Variants in MARK3 observed in about 807,000 individuals in gnomAD.
MARK3 encodes microtubule affinity regulating kinase 3.
In MARK3, 46 loss-of-function variants were observed where a neutral mutation model predicts 90.1. The ratio of observed to expected loss-of-function variants is 0.51; its 90% confidence interval spans 0.40 to 0.65. MARK3 has a LOEUF of 0.65. Ranked by LOEUF, MARK3 falls within the 30% of genes least tolerant of loss-of-function variation. The pLI is 0.00. For missense variants in MARK3, 818 were observed against 947.2 expected (o/e 0.86, Z 1.79); for synonymous variants, 321 against 332.6 (o/e 0.97, Z 0.38).
chr14:103,389,161 G>A (rs998439452), intron 1 of MARK3, among the ~76,000 whole-genome samples: 2 of 151,658 alleles, frequency 1.3e-5, no homozygotes, highest in Admixed American at 6.6e-5. Context: ...TCAGGAGATC[G>A]AGACCATCCT....
At chr14:103,501,162 A>C (rs887881342) in intron 17 of MARK3, among the ~76,000 whole-genome samples, 6 of 151,826 alleles carry the variant, frequency 4.0e-5, no homozygotes, top group Non-Finnish European at 7.4e-5. Context: ...CCACTATTTC[A>C]CCTGGCCACG....
intron 3 of MARK3, among the ~76,000 whole-genome samples, chr14:103,444,130 C>CTTT (rs906565658): frequency 2.3e-5 from 2 of 85,166 alleles, no homozygotes; most frequent in Admixed American, 2.5e-4. Context: ...TTCTCTCTCT[C>CTTT]TTTTTTTTCT....
chr14:103,428,419 G>C lies in MARK3; in HGVS notation c.276G>C (p.Leu92Phe), dbSNP rs1202840558. Residue 92 changes from leucine to phenylalanine, a missense_variant, in exon 3 of 18, where the codon TTG becomes TTC. Physicochemically the swap from Leu to Phe is conservative, Grantham distance 22. Coordinates refer to ENST00000429436, the MANE Select transcript of MARK3 (RefSeq NM_001128918.3). ...TAAAAATAATTGACAAAACTCAGTT[G>C]AATCCAACAAGTCTACAAAAGGTAA... The part of the protein sequence containing the change: ...VAIKIIDKTQ[L>F]NPTSLQKLFR... 9 of 1,503,670 alleles carry C rather than the reference G, an allele frequency of 6.0e-6. No individual in the cohort carries two copies. Among genetic ancestry groups the C allele is most frequent in the Non-Finnish European group, 9.0e-7 (1 of 1,109,296 alleles). The allele number at this position is 1,503,670 out of a possible 1,614,324, so 93.1% of individuals were successfully genotyped here.
At chr14:103,469,204 T>A (rs1292117459) in intron 12 of MARK3, 1 of 151,986 alleles carries the variant, frequency 6.6e-6, no homozygotes, top group Non-Finnish European at 1.5e-5. Context: ...ATTTTTCAGA[T>A]GGAATCTGGC....
intron 13 of MARK3, among the ~76,000 whole-genome samples, chr14:103,477,341 A>G (rs1185570579): frequency 6.6e-6 from 1 of 152,098 alleles, no homozygotes; most frequent in Non-Finnish European, 1.5e-5. Context: ...AAAATACAAA[A>G]ATTAGCCGGG....
rs2093893055 is a variant in MARK3 at position 103,484,773 on chromosome 14, T to C, written c.1586+4283T>C. On this transcript the variant is annotated intron_variant, in intron 14 of 17. Coordinates refer to ENST00000429436, the MANE Select transcript of MARK3 (RefSeq NM_001128918.3). The stretch of plus-strand genomic sequence containing the variant: ...TGGTGAAACCCTGTCTAAAATTAAT[T>C]AGCTGGGCGTGGTGGCATGCGCCTG... 2.0e-5 allele frequency among the ~76,000 whole-genome samples: 3 copies of C among 147,210 alleles called. 1 individual carries two copies. In the Admixed American group the frequency reaches 2.0e-4, roughly 10 times the overall value.
chr14:103,474,331 A>G (rs1024501029), intron 12 of MARK3, among the ~76,000 whole-genome samples: 2 of 152,200 alleles, frequency 1.3e-5, no homozygotes, highest in Admixed American at 6.5e-5. Flanking sequence ...CTGTGCTGCT[A>G]TTGGAGTCTC....
At chr14:103,452,489 T>TTTTTTTTA (rs2093172785) in intron 5 of MARK3, among the ~76,000 whole-genome samples, 1 of 137,428 alleles carries the variant, frequency 7.3e-6, no homozygotes, top group Non-Finnish European at 1.6e-5. Context: ...TTTTTTTTTT[T>TTTTTTTTA]GAGACGGAGT....
chr14:103,422,156 T>C (rs1045083508), intron 2 of MARK3, among the ~76,000 whole-genome samples: 7 of 152,228 alleles, frequency 4.6e-5, no homozygotes, highest in African/African-American at 1.7e-4. Flanking sequence ...AAAAACTCTT[T>C]ACTGAAATGT....
chr14:103,437,091 CAA>C (rs35695301), intron 3 of MARK3, among the ~76,000 whole-genome samples: 10 of 104,948 alleles, frequency 9.5e-5, no homozygotes, highest in African/African-American at 3.4e-4. Context: ...GAAACTCTGC[CAA>C]AAAAAAAAAA....
rs1381428487 is a variant in MARK3 at position 103,478,035 on chromosome 14, G to A, written c.1483-2352G>A. Among the ~76,000 whole-genome samples, 7 of 148,114 alleles carry A rather than the reference G, an allele frequency of 4.7e-5. No individual in the cohort carries two copies. In the East Asian group the frequency reaches 5.9e-4, roughly 13 times the overall value. Reference sequence around the variant, plus strand: ...AAAGTGGCCGGGCGCAGTGGCTCACGCCTGTAATCCCAGCACTTTGGGAGG... The same window carrying A: ...AAAGTGGCCGGGCGCAGTGGCTCACACCTGTAATCCCAGCACTTTGGGAGG... On this transcript the variant is annotated intron_variant, in intron 13 of 17. Transcript: ENST00000429436.
chr14:103,425,365 T>G (rs1276955616), intron 2 of MARK3, among the ~76,000 whole-genome samples: 1 of 152,060 alleles, frequency 6.6e-6, no homozygotes, highest in Admixed American at 6.6e-5. Flanking sequence ...TTTCAAGTGG[T>G]TCTCCCGCCT....
chr14:103,428,405 G>T lies in MARK3; in HGVS notation c.262G>T (p.Asp88Tyr). The change falls in exon 3 of 18, where the codon GAC (aspartate) becomes TAC (tyrosine). Residue 88 changes from aspartate to tyrosine, a missense_variant. Physicochemically the swap from Asp to Tyr is radical, Grantham distance 160 (BLOSUM62 -3). Transcript: ENST00000429436. ...TTTCTAGGTTGCAATAAAAATAATT[G>T]ACAAAACTCAGTTGAATCCAACAAG... ...TGREVAIKII[D>Y]KTQLNPTSLQ... 1 of 1,488,390 alleles carries T rather than the reference G, an allele frequency of 6.7e-7. No homozygotes were observed. The highest frequency in any genetic ancestry group is 1.3e-5 in the South Asian group (1 of 78,650). 92.2% of individuals were successfully genotyped at this position (1,488,390 alleles called of 1,614,324 possible).
chr14:103,475,304 C>G, intron 13 of MARK3, 94 bp downstream of exon 13: 1 of 982,918 alleles, frequency 1.0e-6, no homozygotes, highest in Non-Finnish European at 1.6e-6. Flanking sequence ...GTCTCTCGTA[C>G]TGGAATGCCC....
chr14:103,401,512 T>C (rs916163388), intron 1 of MARK3, among the ~76,000 whole-genome samples: 1 of 152,216 alleles, frequency 6.6e-6, no homozygotes. Context: ...CTGATCTCCA[T>C]GTCCAGGCCA....
chr14:103,486,811 A>G (rs991222590), intron 14 of MARK3, among the ~76,000 whole-genome samples: 1 of 152,090 alleles, frequency 6.6e-6, no homozygotes, highest in Non-Finnish European at 1.5e-5. Context: ...AATCGGAAAT[A>G]TTTTGTTGCT....
intron 1 of MARK3, among the ~76,000 whole-genome samples, chr14:103,388,552 ATC>A: frequency 6.6e-6 from 1 of 152,366 alleles, no homozygotes. Flanking sequence ...TGTAATGTTC[ATC>A]TGTTTTAAGT....
rs371019779 is a variant in MARK3, at chr14:103,386,076, A to T, written c.47A>T (p.Glu16Val). 1.2e-6 allele frequency: 2 copies of T among 1,614,206 alleles called. No homozygotes were observed. The highest frequency in any genetic ancestry group is 2.7e-5 in the African/African-American group (2 of 75,070). The change falls in exon 1 of 18, where the codon GAA (glutamate) becomes GTA (valine). Residue 16 changes from glutamate (E) to valine (V), a missense_variant. Glu to Val is a moderately radical substitution (Grantham distance 121). Transcript: ENST00000429436. ...CCAACGGTGAATGAACGAGACACTGAAAACGTAAGTAACCTGGGCGTTGTA... is the reference window on the plus strand; with the variant it reads ...CCAACGGTGAATGAACGAGACACTGTAAACGTAAGTAACCTGGGCGTTGTA... Reference protein sequence around the residue: ...PLPTVNERDTENHTSHGDGRQ... With the variant: ...PLPTVNERDTVNHTSHGDGRQ...
intron 7 of MARK3, among the ~76,000 whole-genome samples, chr14:103,463,364 G>A (rs2093438571): frequency 6.6e-6 from 1 of 152,078 alleles, no homozygotes; most frequent in Non-Finnish European, 1.5e-5. Context: ...AACTGCAGTG[G>A]CCAACTGTAT....
Sources: allele counts gnomAD v4.1 joint callset (sites outside exome capture counted in the v4.1 genomes callset), GRCh38; gene constraint gnomAD v4.1.1; transcripts MANE v1.5; gene names NCBI Gene and HGNC (gene_info 2026-07-23, HGNC 2026-07-21).